The following EYS variants were observed in gnomAD, a reference collection of about 807,000 sequenced individuals.
The protein encoded by EYS is protein eyes shut homolog.
EYS carries 250 observed loss-of-function variants against 282.1 expected under a neutral mutation model. The observed-to-expected ratio is 0.89, with a 90% CI of 0.80 to 0.98. EYS has a LOEUF of 0.98. EYS is among the 50% of genes least tolerant of loss of function. EYS has a pLI of 0.00. For missense variants in EYS, 4,016 were observed against 3,709.0 expected, an observed-to-expected ratio of 1.08 and a Z score of -2.15; for synonymous variants, 1,355 against 1,282.9, an observed-to-expected ratio of 1.06 and a Z score of -1.20.
chr6:64,287,273 A>G (rs923705262), intron 30 of EYS, among the ~76,000 whole-genome samples: 4 of 152,182 alleles, frequency 2.6e-5, no homozygotes, highest in Non-Finnish European at 5.9e-5. Flanking sequence ...TTCACATATG[A>G]TTCAGAAAAC....
At chr6:65,301,337 T>A (rs1244005607) in intron 11 of EYS, among the ~76,000 whole-genome samples, 2 of 152,208 alleles carry the variant, frequency 1.3e-5, no homozygotes, top group Non-Finnish European at 2.9e-5. Context: ...CTACCAAAGA[T>A]ATAAGAAATT....
At chr6:64,405,339 G>A (rs908345465) in intron 28 of EYS, among the ~76,000 whole-genome samples, 10 of 151,852 alleles carry the variant, frequency 6.6e-5, no homozygotes, top group Admixed American at 6.6e-5. Flanking sequence ...GTTCTGGTTT[G>A]GAGCTATTTA....
intron 26 of EYS, among the ~76,000 whole-genome samples, chr6:64,548,654 A>G (rs1014515316): frequency 1.3e-4 from 20 of 152,104 alleles, no homozygotes; most frequent in Non-Finnish European, 2.2e-4. Flanking sequence ...CAGGAAGGGG[A>G]ACATCACACA....
intron 14 of EYS, among the ~76,000 whole-genome samples, chr6:64,992,837 G>T (rs76601000): frequency 2.6e-5 from 4 of 151,960 alleles, no homozygotes; most frequent in African/African-American, 4.8e-5. Flanking sequence ...GATTGATTCC[G>T]CACTGATGGG....
At chr6:64,486,686 G>A (rs1392215223) in intron 26 of EYS, among the ~76,000 whole-genome samples, 1 of 151,252 alleles carries the variant, frequency 6.6e-6, no homozygotes, top group African/African-American at 2.4e-5. Flanking sequence ...ATCAATTCTG[G>A]AATAAACCAA....
intron 35 of EYS, among the ~76,000 whole-genome samples, chr6:63,973,800 C>T (rs980356967): frequency 6.6e-6 from 1 of 152,070 alleles, no homozygotes; most frequent in Non-Finnish European, 1.5e-5. Flanking sequence ...AGTGTTTTCT[C>T]ATGTAGTTTA....
chr6:65,664,749 T>C (rs1390215925), intron 1 of EYS, among the ~76,000 whole-genome samples: 2 of 152,174 alleles, frequency 1.3e-5, no homozygotes, highest in Non-Finnish European at 2.9e-5. Flanking sequence ...ATTATTTCTT[T>C]CAGAGGGAGT....
At chr6:65,120,151 C>CAAAAAAAA (rs1170415166) in intron 12 of EYS, among the ~76,000 whole-genome samples, 130 of 62,256 alleles carry the variant, frequency 2.1e-3, no homozygotes, top group Admixed American at 3.2e-3. Context: ...GACTCCGTCT[C>CAAAAAAAA]AAAAAAAAAA....
At chr6:64,990,289 A>G (rs963682985) in intron 14 of EYS, among the ~76,000 whole-genome samples, 23 of 151,516 alleles carry the variant, frequency 1.5e-4, no homozygotes, top group Middle Eastern at 3.2e-3. Flanking sequence ...ACCAATTTTT[A>G]TATGGTCAAC....
intron 12 of EYS, among the ~76,000 whole-genome samples, chr6:65,146,309 A>G (rs1312792970): frequency 1.3e-5 from 2 of 151,948 alleles, no homozygotes; most frequent in Admixed American, 1.3e-4. Flanking sequence ...AAACAATCGC[A>G]AAAACAAAAA....
chr6:64,539,320 T>C (rs1410641627), intron 26 of EYS, among the ~76,000 whole-genome samples: 1 of 152,114 alleles, frequency 6.6e-6, no homozygotes, highest in Non-Finnish European at 1.5e-5. Context: ...AATATGAGTA[T>C]TTTGGGAGGC....
intron 5 of EYS, among the ~76,000 whole-genome samples, chr6:65,420,901 C>T (rs1158855632): frequency 6.6e-6 from 1 of 151,610 alleles, no homozygotes; most frequent in African/African-American, 2.4e-5. Context: ...CAGCAGGTCA[C>T]AATGGTGGGC....
intron 26 of EYS, among the ~76,000 whole-genome samples, chr6:64,539,303 T>C (rs1290485782): frequency 6.6e-6 from 1 of 152,184 alleles, no homozygotes; most frequent in Non-Finnish European, 1.5e-5. Flanking sequence ...CAGAGGCTCC[T>C]GTCTGTAATA....
chr6:64,788,384 G>A (rs182781697), intron 22 of EYS, among the ~76,000 whole-genome samples: 1 of 152,220 alleles, frequency 6.6e-6, no homozygotes, highest in Non-Finnish European at 1.5e-5. Context: ...CACTCAGTGC[G>A]TAGACCTCCA....
chr6:64,357,078 T>C (rs1036510582), intron 29 of EYS, among the ~76,000 whole-genome samples: 4 of 151,680 alleles, frequency 2.6e-5, no homozygotes, highest in Admixed American at 6.6e-5. Context: ...TTGCATTTAT[T>C]CAGTGGTTCT....
intron 40 of EYS, among the ~76,000 whole-genome samples, chr6:63,774,505 T>C (rs1270557147): frequency 1.3e-5 from 2 of 152,162 alleles, no homozygotes; most frequent in African/African-American, 4.8e-5. Flanking sequence ...CATCTGCATA[T>C]TGTCCTCAGT....
intron 31 of EYS, among the ~76,000 whole-genome samples, chr6:64,135,187 G>T (rs1421649868): frequency 6.6e-6 from 1 of 151,414 alleles, no homozygotes; most frequent in Non-Finnish European, 1.5e-5. Context: ...AAGATGCAGA[G>T]AGGGAATTCT....
In EYS at chr6:63,742,107, G is replaced by A. The variant is rs1769090722; in HGVS notation, c.8072-15427C>T. On this transcript the variant is annotated intron_variant, in intron 41 of 42. Coordinates refer to ENST00000503581, the MANE Select transcript of EYS (RefSeq NM_001142800.2). ...TCTTTAACTCTTCACTTGTACATCT[G>A]TCCTGCAGTTCTTGACAAGGCTGAT... The A allele has an allele frequency of 4.8e-6, 3 of 618,778 alleles. No individual in the cohort carries two copies. The Admixed American group carries it at 6.7e-5, about 14-fold the overall frequency. The allele number at this position is 618,778 out of a possible 1,614,324, so 38.3% of individuals were successfully genotyped here.
chr6:65,650,976 A>T (rs2149818947), intron 1 of EYS, among the ~76,000 whole-genome samples: 1 of 152,314 alleles, frequency 6.6e-6, no homozygotes, highest in East Asian at 1.9e-4. Flanking sequence ...TTGAGCTGCA[A>T]GAAAATGGGA....
Sources: gnomAD v4.1 joint callset for allele counts (sites outside exome capture counted in the v4.1 genomes callset) on GRCh38, gnomAD v4.1.1 for gene constraint, MANE v1.5 for transcripts, NCBI Gene and HGNC (gene_info 2026-07-23, HGNC 2026-07-21) for gene names.